Variants in C1S observed in about 807,000 individuals in gnomAD.
C1S encodes complement C1s.
A neutral mutation model predicts 54.0 loss-of-function variants in C1S; 31 were observed. The ratio of observed to expected loss-of-function variants is 0.57; its 90% confidence interval spans 0.43 to 0.78. C1S has a LOEUF of 0.78. Ranked by LOEUF, C1S falls within the 30% of genes least tolerant of loss-of-function variation. C1S has a pLI of 0.00. For missense variants in C1S, 727 were observed against 851.8 expected (o/e 0.85, Z 1.82); for synonymous variants, 292 against 303.6 (o/e 0.96, Z 0.40).
chr12:7,066,121 G>A (rs2135725318), intron 7 of C1S, 151 bp downstream of exon 7: 1 of 750,180 alleles, frequency 1.3e-6, no homozygotes, highest in South Asian at 1.5e-5. Context: ...TTGAGCCCAG[G>A]AAGTAGGAGT....
Position 7,070,587 on chromosome 12 carries a change from T to C in C1S, c.2003T>C (p.Val668Ala), listed in dbSNP as rs782166182. 6.2e-7 allele frequency: 1 copy of C among 1,613,998 alleles called. No homozygotes were observed. Among genetic ancestry groups the C allele is most frequent in the Non-Finnish European group, 8.5e-7 (1 of 1,179,998 alleles). Reference protein sequence around the residue: ...QCGTYGLYTRVKNYVDWIMKT... With the variant: ...QCGTYGLYTRAKNYVDWIMKT... ...GGGACCTATGGGCTCTACACACGGGTAAAGAACTATGTTGACTGGATAATG... is the reference window on the plus strand; with the variant it reads ...GGGACCTATGGGCTCTACACACGGGCAAAGAACTATGTTGACTGGATAATG... The change falls in exon 12 of 12, where the codon GTA becomes GCA. Residue 668 changes from valine (V) to alanine (A), a missense_variant. Val to Ala is a moderately conservative substitution (Grantham distance 64, BLOSUM62 0). Transcript: ENST00000360817. This position sits in a 1 kb window ranked among gnomAD's most constrained non-coding sequence, Gnocchi z 4.9.
chr12:7,065,901 C>G lies in C1S; in HGVS notation c.802C>G (p.Leu268Val). 2 of 1,613,424 alleles carry G rather than the reference C, an allele frequency of 1.2e-6. No homozygotes were observed. Among genetic ancestry groups the G allele is most frequent in the Non-Finnish European group, 1.7e-6 (2 of 1,179,430 alleles). The change falls in exon 7 of 12, where the codon CTT (leucine) becomes GTT (valine). Residue 268 changes from leucine (L) to valine (V), a missense_variant. By Grantham distance (32) the Leu-to-Val change is conservative. Coordinates refer to ENST00000360817, the MANE Select transcript of C1S (RefSeq NM_001734.5). ...AAATATTGAAACCAAGAGTAATGCT[C>G]TTGATATCATCTTCCAAACTGATCT... ...PLNIETKSNA[L>V]DIIFQTDLTG... is the part of the protein sequence containing the mutation.
rs138733003 is a variant in C1S, at chr12:7,068,478, C to T, written c.1218C>T (p.Asn406=). The change falls in exon 11 of 12, where the codon AAC becomes AAT. Residue 406 remains asparagine (N), a synonymous_variant. Transcript: ENST00000360817. The part of the protein sequence containing the change: ...GGGGEYHCAG[N]GSWVNEVLGP... ...CAGGGGAGTATCACTGTGCTGGTAA[C>T]GGGAGCTGGGTGAATGAGGTGCTGG... The T allele has an allele frequency of 6.4e-4, 1,028 of 1,613,474 alleles. 3 individuals carry two copies. The highest frequency in any genetic ancestry group is 6.2e-4 in the Non-Finnish European group (735 of 1,179,570).
intron 1 of C1S, 87 bp downstream of exon 1, chr12:7,060,964 A>G (rs1396854718): frequency 6.6e-6 from 1 of 152,298 alleles, no homozygotes; most frequent in Admixed American, 6.5e-5. Flanking sequence ...TGGGGCAATG[A>G]TAGAGGGCTG....
intron 6 of C1S, chr12:7,065,553 A>G: frequency 1.7e-6 from 1 of 597,040 alleles, no homozygotes; most frequent in Non-Finnish European, 2.9e-6. Context: ...TTTTTTTTAC[A>G]GAGATGGGGT....
At chr12:7,068,005 G>A (rs1555162594) in intron 10 of C1S, among the ~76,000 whole-genome samples, 2 of 152,188 alleles carry the variant, frequency 1.3e-5, no homozygotes, top group African/African-American at 4.8e-5. Context: ...AGCTGCAGCA[G>A]GAATTCCCCT....
In C1S at chr12:7,063,002, T is replaced by C. The variant is rs1396944306; in HGVS notation, c.326T>C (p.Ile109Thr). 1.2e-6 allele frequency: 2 copies of C among 1,614,026 alleles called. No homozygotes were observed. The highest frequency in any genetic ancestry group is 1.7e-6 in the Non-Finnish European group (2 of 1,180,040). ...GTCCCATACAACAAACTCCAGGTGA[T>C]CTTTAAGTCAGACTTTTCCAATGAA... ...FQVPYNKLQV[I>T]FKSDFSNEER... The change falls in exon 4 of 12, where the codon ATC becomes ACC. Residue 109 changes from isoleucine (I) to threonine (T), a missense_variant. This residue lies in a region of C1S where 357 missense variants were observed against 365.4 expected (regional missense o/e 0.98). Coordinates refer to ENST00000360817, the MANE Select transcript of C1S (RefSeq NM_001734.5).
chr12:7,070,729 T>G lies in C1S; in HGVS notation c.*78T>G. On this transcript the variant is annotated 3_prime_UTR_variant, in exon 12 of 12. Coordinates refer to ENST00000360817, the MANE Select transcript of C1S (RefSeq NM_001734.5). This position sits in a 1 kb window ranked among gnomAD's most constrained non-coding sequence, Gnocchi z 4.9. The stretch of plus-strand genomic sequence containing the variant: ...CTGTTCCTTATGATATTCTCATTAT[T>G]TCATCATGACTGAAAGAAGACACGA... 6.8e-6 allele frequency: 8 copies of G among 1,173,486 alleles called. No homozygotes were observed. Among genetic ancestry groups the G allele is most frequent in the Middle Eastern group, 2.7e-4 (1 of 3,646 alleles). 72.7% of individuals were successfully genotyped at this position (1,173,486 alleles called of 1,614,324 possible).
Position 7,065,085 on chromosome 12 carries a change from CT to C in C1S, c.518-10del. ...ACCCTGTATTTGATTCTCCCTTTCT[CT>C]TTTTCTCTGTTAGTTAATTGCAGTG... On this transcript the variant is annotated splice_polypyrimidine_tract_variant and intron_variant, in intron 5 of 11. Coordinates refer to ENST00000360817, the MANE Select transcript of C1S (RefSeq NM_001734.5). 1.3e-6 allele frequency: 2 copies of C among 1,589,104 alleles called. No homozygotes were observed. Among genetic ancestry groups the C allele is most frequent in the Non-Finnish European group, 1.7e-6 (2 of 1,157,362 alleles).
chr12:7,063,808 G>A (rs985620278), intron 4 of C1S: 3 of 353,900 alleles, frequency 8.5e-6, no homozygotes, highest in African/African-American at 2.1e-5. Context: ...GTGGATTACC[G>A]GAGCCCAGGA....
intron 11 of C1S, chr12:7,068,816 C>T (rs1937751041): frequency 2.2e-6 from 1 of 457,380 alleles, no homozygotes; most frequent in African/African-American, 2.0e-5. Flanking sequence ...AAAAACAGGG[C>T]CTGAAAGCTG....
chr12:7,067,332 T>C, intron 9 of C1S: 1 of 637,608 alleles, frequency 1.6e-6, no homozygotes, highest in East Asian at 2.7e-5. Flanking sequence ...AGAAAGGGGC[T>C]ATGGGATAGG....
At chr12:7,067,826 G>A (rs1555162567) in intron 10 of C1S, 55 bp downstream of exon 10, 5 of 1,559,334 alleles carry the variant, frequency 3.2e-6, no homozygotes, top group South Asian at 2.2e-5. Flanking sequence ...GTTGGAGGGT[G>A]GATAGCATAA....
intron 8 of C1S, 48 bp downstream of exon 8, chr12:7,066,681 A>G: frequency 9.1e-7 from 1 of 1,099,410 alleles, no homozygotes; most frequent in African/African-American, 1.5e-5. Context: ...CCAGATCAGG[A>G]TGAGCGGACT....
chr12:7,065,592 A>C (rs1174226217), intron 6 of C1S: 19 of 616,288 alleles, frequency 3.1e-5, no homozygotes, highest in Non-Finnish European at 4.6e-5. Flanking sequence ...ATAGCCTGAA[A>C]CTCCTAGCCT....
At chr12:7,062,737 A>G in intron 3 of C1S, 55 bp downstream of exon 3, 1 of 1,568,190 alleles carries the variant, frequency 6.4e-7, no homozygotes, top group Non-Finnish European at 8.7e-7. Context: ...AAGGTAGCGG[A>G]ATAAGGATGT....
chr12:7,067,493 A>T, intron 9 of C1S, 150 bp from the exon 10 acceptor site: 1 of 858,462 alleles, frequency 1.2e-6, no homozygotes, highest in Non-Finnish European at 2.0e-6. Context: ...GTTGGGGAGG[A>T]TGGCCACAGA....
At chr12:7,064,560 T>C (rs1007806533) in intron 5 of C1S, among the ~76,000 whole-genome samples, 168 bp downstream of exon 5, 1 of 152,186 alleles carries the variant, frequency 6.6e-6, no homozygotes, top group Admixed American at 6.5e-5. Flanking sequence ...ATAATTTCAA[T>C]AGTTTTGGGG....
chr12:7,065,306 G>A lies in C1S; in HGVS notation c.717+7G>A. 6.2e-7 allele frequency: 1 copy of A among 1,606,990 alleles called. No homozygotes were observed. The highest frequency in any genetic ancestry group is 8.5e-7 in the Non-Finnish European group (1 of 1,173,458). On this transcript the variant is annotated splice_region_variant and intron_variant, in intron 6 of 11. Coordinates refer to ENST00000360817, the MANE Select transcript of C1S (RefSeq NM_001734.5). ...CTGCCTTGACAGTTTAGTTGTGCGTGATGGTTGATTAATACCCCACCCTTA... is the reference window on the plus strand; with the variant it reads ...CTGCCTTGACAGTTTAGTTGTGCGTAATGGTTGATTAATACCCCACCCTTA...
Sources: allele counts gnomAD v4.1 joint callset (sites outside exome capture counted in the v4.1 genomes callset), GRCh38; gene constraint gnomAD v4.1.1; regional missense constraint gnomAD v4.1.1; non-coding constraint Gnocchi (gnomAD v3.1); transcripts MANE v1.5; gene names NCBI Gene and HGNC (gene_info 2026-07-23, HGNC 2026-07-21).